The following ATF6B variants were observed in gnomAD, a reference collection of about 807,000 sequenced individuals.
ATF6B encodes cyclic AMP-dependent transcription factor ATF-6 beta.
In ATF6B, 50 loss-of-function variants were observed where a neutral mutation model predicts 83.5. The observed-to-expected ratio is 0.60, with a 90% CI of 0.48 to 0.76. The LOEUF (loss-of-function observed/expected upper bound fraction) is 0.76. Ranked by LOEUF, ATF6B falls within the 30% of genes least tolerant of loss-of-function variation. The pLI is 0.00. For missense variants in ATF6B, 790 were observed against 893.8 expected, an observed-to-expected ratio of 0.88 and a Z score of 1.48; for synonymous variants, 344 against 362.8, an observed-to-expected ratio of 0.95 and a Z score of 0.59.
At position 32,120,912 on chromosome 6, in the gene ATF6B, G is replaced by A; in HGVS notation, c.701-10C>T. 1 of 1,528,504 alleles carries A rather than the reference G, an allele frequency of 6.5e-7. No individual in the cohort carries two copies. Among genetic ancestry groups the A allele is most frequent in the Admixed American group, 2.2e-5 (1 of 45,568 alleles). The allele number at this position is 1,528,504 out of a possible 1,614,324, so 94.7% of individuals were successfully genotyped here. ...GTGGGCAGGGCTTTGCCTGAAGGAAGGTGAGAGAAAAGAACAAGAAATGTC... is the reference window on the plus strand; with the variant it reads ...GTGGGCAGGGCTTTGCCTGAAGGAAAGTGAGAGAAAAGAACAAGAAATGTC... On this transcript the variant is annotated splice_polypyrimidine_tract_variant and intron_variant, in intron 7 of 17. Coordinates refer to ENST00000375203, the MANE Select transcript of ATF6B (RefSeq NM_004381.5).
rs1394110499 is a variant in ATF6B, at chr6:32,116,161, G to A, written c.1883-193C>T. Reference sequence around the variant, plus strand: ...TGGTGCAGGGGCAAGGAGAGGGTAGGAAAAGAAAAGGGCATTGAGTGTGGG... The same window carrying A: ...TGGTGCAGGGGCAAGGAGAGGGTAGAAAAAGAAAAGGGCATTGAGTGTGGG... On this transcript the variant is annotated intron_variant, in intron 17 of 17. Coordinates refer to ENST00000375203, the MANE Select transcript of ATF6B (RefSeq NM_004381.5). The surrounding 1 kb of genome is among the most constrained non-coding windows in gnomAD (Gnocchi z 5.1). 2.0e-5 allele frequency among the ~76,000 whole-genome samples: 3 copies of A among 152,166 alleles called. No individual in the cohort carries two copies. The highest frequency in any genetic ancestry group is 4.4e-5 in the Non-Finnish European group (3 of 68,036).
rs754831217 is a variant in ATF6B, at chr6:32,115,955, G to A, written c.1896C>T (p.Gly632=). ...CCTCATAGTCCCCCGGGGCCCCACG[G>A]CCTGACAGGGTCTCTGTGAGAAGGG... ...PAMAPNETLS[G]RGAPGDYEEM... is the part of the protein sequence containing the mutation. The change falls in exon 18 of 18, where the codon GGC becomes GGT. Residue 632 remains glycine, a synonymous_variant. Transcript: ENST00000375203. 3.7e-6 allele frequency: 6 copies of A among 1,613,406 alleles called. No individual in the cohort carries two copies. Among genetic ancestry groups the A allele is most frequent in the Non-Finnish European group, 3.4e-6 (4 of 1,179,642 alleles).
rs113191478 is a variant in ATF6B at position 32,117,878 on chromosome 6, T to C, written c.1405A>G (p.Thr469Ala). The change falls in exon 12 of 18, where the codon ACA becomes GCA. Residue 469 changes from threonine to alanine, a missense_variant. Thr to Ala is a moderately conservative substitution (Grantham distance 58, BLOSUM62 0). This residue lies in a region of ATF6B where 530 missense variants were observed against 632.6 expected (regional missense o/e 0.84). Transcript: ENST00000375203. The surrounding 1 kb of genome is among the most constrained non-coding windows in gnomAD (Gnocchi z 5.0). ...QGPKEPQPSP[T>A]DQPSFSNLTA... ...CCTCACCTGAAACTGGGCTGGTCTGTGGGGCTGGGCTGGGGCTCCTTAGGG... is the reference window on the plus strand; with the variant it reads ...CCTCACCTGAAACTGGGCTGGTCTGCGGGGCTGGGCTGGGGCTCCTTAGGG... 6.4e-5 allele frequency: 100 copies of C among 1,571,060 alleles called. 1 individual carries two copies. The African/African-American group carries it at 1.0e-3, about 16-fold the overall frequency.
In ATF6B at chr6:32,119,203, CA is replaced by C; in HGVS notation, c.967-63del. On this transcript the variant is annotated intron_variant, in intron 9 of 17. Coordinates refer to ENST00000375203, the MANE Select transcript of ATF6B (RefSeq NM_004381.5). The surrounding 1 kb of genome is among the most constrained non-coding windows in gnomAD (Gnocchi z 4.9). The stretch of plus-strand genomic sequence containing the variant: ...AGTTGGCAGAAGGAGACTATGCTCT[CA>C]AACCCCAAGGAATGATTTACCCAAA... The C allele has an allele frequency of 6.5e-7, 1 of 1,527,536 alleles. No homozygotes were observed. Among genetic ancestry groups the C allele is most frequent in the African/African-American group, 1.4e-5 (1 of 71,828 alleles). The allele number at this position is 1,527,536 out of a possible 1,614,324, so 94.6% of individuals were successfully genotyped here.
chr6:32,117,032 C>G lies in ATF6B; in HGVS notation c.1685+5G>C, dbSNP rs1400348521. The G allele has an allele frequency of 1.2e-6, 2 of 1,613,712 alleles. No homozygotes were observed. Among genetic ancestry groups the G allele is most frequent in the African/African-American group, 1.3e-5 (1 of 74,894 alleles). ...TAATAAGTAAGCACCCCACCCCACA[C>G]TCACCTTTCTGGGGGTCCAGGGGGT... On this transcript the variant is annotated splice_donor_5th_base_variant and intron_variant, in intron 15 of 17. Coordinates refer to ENST00000375203, the MANE Select transcript of ATF6B (RefSeq NM_004381.5). The surrounding 1 kb of genome is among the most constrained non-coding windows in gnomAD (Gnocchi z 5.0).
Position 32,128,130 on chromosome 6 carries a change from G to C in ATF6B, c.78C>G (p.Asp26Glu), listed in dbSNP as rs947897218. 1 of 1,613,190 alleles carries C rather than the reference G, an allele frequency of 6.2e-7. No homozygotes were observed. Among genetic ancestry groups the C allele is most frequent in the African/African-American group, 1.3e-5 (1 of 74,942 alleles). The change falls in exon 1 of 18, where the codon GAC becomes GAG. Residue 26 changes from aspartate to glutamate, a missense_variant. Physicochemically the swap from Asp to Glu is conservative, Grantham distance 45 (BLOSUM62 2). Coordinates refer to ENST00000375203, the MANE Select transcript of ATF6B (RefSeq NM_004381.5). Reference sequence around the variant, plus strand: ...CCGGTGCCTCACTCTGCAGACCCCAGTCCTCCGGGCTAAGCAGGTTGTCGG... The same window carrying C: ...CCGGTGCCTCACTCTGCAGACCCCACTCCTCCGGGCTAAGCAGGTTGTCGG... The part of the protein sequence containing the change: ...FFTDNLLSPE[D>E]WGLQNSTLYS...
rs532100174 is a variant in ATF6B, at chr6:32,116,954, G to A, written c.1685+83C>T. The A allele has an allele frequency of 9.0e-6, 14 of 1,547,494 alleles. No individual in the cohort carries two copies. In the Admixed American group the frequency reaches 2.0e-4, roughly 22 times the overall value. ...GTATAATCCCACTGGTGACAGTAAT[G>A]ACAGGCACAGGACAGCTACTGGGGG... On this transcript the variant is annotated intron_variant, in intron 15 of 17. Transcript: ENST00000375203. This position sits in a 1 kb window ranked among gnomAD's most constrained non-coding sequence, Gnocchi z 5.1.
rs758003211 is a variant in ATF6B at position 32,117,603 on chromosome 6, G to C, written c.1516C>G (p.Arg506Gly). The change falls in exon 13 of 18, where the codon CGC (arginine) becomes GGC (glycine). Residue 506 changes from arginine to glycine, a missense_variant. By Grantham distance (125) the Arg-to-Gly change is moderately radical. This residue lies in a region of ATF6B where 530 missense variants were observed against 632.6 expected (regional missense o/e 0.84). Coordinates refer to ENST00000375203, the MANE Select transcript of ATF6B (RefSeq NM_004381.5). The surrounding 1 kb of genome is among the most constrained non-coding windows in gnomAD (Gnocchi z 5.0). ...FLSSDCRHFN[R>G]TESLRLADEL... ...ATCCCACACCTCAGGGACTCAGTGC[G>C]GTTGAAGTGCCGGCAATCAGAGGAG... 1 of 1,613,976 alleles carries C rather than the reference G, an allele frequency of 6.2e-7. No homozygotes were observed. The highest frequency in any genetic ancestry group is 8.5e-7 in the Non-Finnish European group (1 of 1,179,974).
At position 32,115,880 on chromosome 6, in the gene ATF6B, G is replaced by A; in HGVS notation, c.1971C>T (p.Ile657=). The change falls in exon 18 of 18, where the codon ATC becomes ATT. Residue 657 remains isoleucine, a synonymous_variant. Coordinates refer to ENST00000375203, the MANE Select transcript of ATF6B (RefSeq NM_004381.5). ...GCGAGGGGGGCACTGTGGAGGTCTT[G>A]ATGTGAATCACCCTGGTGTCCATGA... ...CEVMDTRVIH[I]KTSTVPPSLR... 2.5e-6 allele frequency: 4 copies of A among 1,614,184 alleles called. No homozygotes were observed. The highest frequency in any genetic ancestry group is 3.4e-6 in the Non-Finnish European group (4 of 1,180,024).
In ATF6B at chr6:32,117,335, G is replaced by GGATCTTCCTGTA; in HGVS notation, c.1601_1602insTACAGGAAGATC (p.Ala534_Gln535insThrGlyArgSer). ...CCACCCGCCCTACCTGTCTCTCCTG[G>GGATCTTCCTGTA]GCCCTCTGAGGGATCTTCCTCCGGC... is the stretch of plus-strand genomic sequence containing the variant. On this transcript the variant is annotated inframe_insertion, in exon 14 of 18. Coordinates refer to ENST00000375203, the MANE Select transcript of ATF6B (RefSeq NM_004381.5). This position sits in a 1 kb window ranked among gnomAD's most constrained non-coding sequence, Gnocchi z 5.0. 1 of 1,613,838 alleles carries GGATCTTCCTGTA rather than the reference G, an allele frequency of 6.2e-7. No individual in the cohort carries two copies. The highest frequency in any genetic ancestry group is 8.5e-7 in the Non-Finnish European group (1 of 1,179,874).
Position 32,115,527 on chromosome 6 carries a change from C to T in ATF6B, c.*212G>A, listed in dbSNP as rs946074996. The T allele has an allele frequency of 3.0e-5, 14 of 462,766 alleles. No homozygotes were observed. Among genetic ancestry groups the T allele is most frequent in the Non-Finnish European group, 4.5e-5 (12 of 265,364 alleles). 28.7% of individuals were successfully genotyped at this position (462,766 alleles called of 1,614,324 possible). Reference sequence around the variant, plus strand: ...ATCCCCTCAAACAAAGAAGCCAGGACTGGGGGTTCACAGGAATGAGAGGAG... The same window carrying T: ...ATCCCCTCAAACAAAGAAGCCAGGATTGGGGGTTCACAGGAATGAGAGGAG... On this transcript the variant is annotated 3_prime_UTR_variant, in exon 18 of 18. Transcript: ENST00000375203.
rs1781918756 is a variant in ATF6B, at chr6:32,125,132, C to T, written c.478+985G>A. ...CATGAGCCACCACACCCAGCCCCAC[C>T]TCTAGTGATTTCTATCCTAGAATGA... is the stretch of plus-strand genomic sequence containing the variant. On this transcript the variant is annotated intron_variant, in intron 5 of 17. Coordinates refer to ENST00000375203, the MANE Select transcript of ATF6B (RefSeq NM_004381.5). The surrounding 1 kb of genome is among the most constrained non-coding windows in gnomAD (Gnocchi z 4.1). Among the ~76,000 whole-genome samples the T allele has an allele frequency of 6.6e-6, 1 of 152,080 alleles. No individual in the cohort carries two copies. The highest frequency in any genetic ancestry group is 2.4e-5 in the African/African-American group (1 of 41,396).
rs1781661654 is a variant in ATF6B, at chr6:32,119,359, GAA to G, written c.967-220_967-219del. ...CCCTGCTACTGCTCCTCAGAGGTGG[GAA>G]AGGTTAGAGTGTGGGAAGAACTTTC... is the stretch of plus-strand genomic sequence containing the variant. On this transcript the variant is annotated intron_variant, in intron 9 of 17. Coordinates refer to ENST00000375203, the MANE Select transcript of ATF6B (RefSeq NM_004381.5). This position sits in a 1 kb window ranked among gnomAD's most constrained non-coding sequence, Gnocchi z 4.9. 6.6e-6 allele frequency among the ~76,000 whole-genome samples: 1 copy of G among 152,208 alleles called. No homozygotes were observed. Among genetic ancestry groups the G allele is most frequent in the African/African-American group, 2.4e-5 (1 of 41,456 alleles).
rs1781588744 is a variant in ATF6B at position 32,117,759 on chromosome 6, G to A, written c.1425-65C>T. 2.5e-6 allele frequency: 4 copies of A among 1,586,920 alleles called. No homozygotes were observed. Among genetic ancestry groups the A allele is most frequent in the Admixed American group, 1.8e-5 (1 of 55,060 alleles). ...CCAGCACTCCCACAACAAAGAAGGCGATGACGGCAAGAGAAAGCTTTGGGT... is the reference window on the plus strand; with the variant it reads ...CCAGCACTCCCACAACAAAGAAGGCAATGACGGCAAGAGAAAGCTTTGGGT... On this transcript the variant is annotated intron_variant, in intron 12 of 17. Transcript: ENST00000375203. This position sits in a 1 kb window ranked among gnomAD's most constrained non-coding sequence, Gnocchi z 5.0.
Position 32,118,747 on chromosome 6 carries a change from G to C in ATF6B, c.1244+28C>G. 6.2e-7 allele frequency: 1 copy of C among 1,607,676 alleles called. No homozygotes were observed. Among genetic ancestry groups the C allele is most frequent in the Non-Finnish European group, 8.5e-7 (1 of 1,174,186 alleles). ...GCTGTAACGTGGGCTCCACCTGGAA[G>C]GTTCTAGTGAAGCAAGGAAGGTCTC... On this transcript the variant is annotated intron_variant, in intron 11 of 17. Coordinates refer to ENST00000375203, the MANE Select transcript of ATF6B (RefSeq NM_004381.5). The surrounding 1 kb of genome is among the most constrained non-coding windows in gnomAD (Gnocchi z 5.2).
At chr6:32,126,506 C>A (rs769794309) in intron 4 of ATF6B, among the ~76,000 whole-genome samples, 1 of 152,064 alleles carries the variant, frequency 6.6e-6, no homozygotes, top group Non-Finnish European at 1.5e-5. Flanking sequence ...AAGAACAGTT[C>A]CAGAATTCTC....
rs959952553 is a variant in ATF6B at position 32,116,606 on chromosome 6, A to G, written c.1798-42T>C. On this transcript the variant is annotated intron_variant, in intron 16 of 17. Coordinates refer to ENST00000375203, the MANE Select transcript of ATF6B (RefSeq NM_004381.5). The surrounding 1 kb of genome is among the most constrained non-coding windows in gnomAD (Gnocchi z 5.1). Reference sequence around the variant, plus strand: ...CCAGGCCAGAAGGGTGGAGGCAAAGATGCCAACAAGCTCCCCAGCCCTACT... The same window carrying G: ...CCAGGCCAGAAGGGTGGAGGCAAAGGTGCCAACAAGCTCCCCAGCCCTACT... 1.9e-6 allele frequency: 3 copies of G among 1,598,492 alleles called. No homozygotes were observed. Among genetic ancestry groups the G allele is most frequent in the African/African-American group, 2.7e-5 (2 of 74,656 alleles).
At chr6:32,123,481 C>A (rs537147821) in intron 5 of ATF6B, among the ~76,000 whole-genome samples, 1 of 152,108 alleles carries the variant, frequency 6.6e-6, no homozygotes, top group Non-Finnish European at 1.5e-5. Flanking sequence ...CTCCGCCTCC[C>A]GGGTTCACCC....
At position 32,125,736 on chromosome 6, in the gene ATF6B, G is replaced by A. The variant is rs187570406; in HGVS notation, c.478+381C>T. On this transcript the variant is annotated intron_variant, in intron 5 of 17. Coordinates refer to ENST00000375203, the MANE Select transcript of ATF6B (RefSeq NM_004381.5). The surrounding 1 kb of genome is among the most constrained non-coding windows in gnomAD (Gnocchi z 4.1). ...AGACCACACCACTGCACTTCAGCCCGAGCGACAGTGTGAGACTCTGTCTCA... is the reference window on the plus strand; with the variant it reads ...AGACCACACCACTGCACTTCAGCCCAAGCGACAGTGTGAGACTCTGTCTCA... Among the ~76,000 whole-genome samples the A allele has an allele frequency of 2.2e-3, 336 of 152,278 alleles. 2 individuals are homozygous for A. The highest frequency in any genetic ancestry group is 9.6e-3 in the East Asian group (50 of 5,192).
Sources: gnomAD v4.1 joint callset for allele counts (sites outside exome capture counted in the v4.1 genomes callset) on GRCh38, gnomAD v4.1.1 for gene constraint, gnomAD v4.1.1 regional missense constraint, Gnocchi (gnomAD v3.1) non-coding constraint, MANE v1.5 for transcripts, NCBI Gene and HGNC (gene_info 2026-07-23, HGNC 2026-07-21) for gene names.